Variants in CLCN3 observed in about 807,000 individuals in gnomAD.
CLCN3 encodes the protein Cl-/H+ antiporter 3, also known as H(+)/Cl(-) exchange transporter 3.
A neutral mutation model predicts 83.4 loss-of-function variants in CLCN3; 16 were observed. The observed-to-expected ratio is 0.19, with a 90% CI of 0.13 to 0.29. The LOEUF (loss-of-function observed/expected upper bound fraction) is 0.29. CLCN3 is among the 10% of genes least tolerant of loss of function. The pLI is 1.00. For synonymous variants in CLCN3, 322 were observed against 346.2 expected (o/e 0.93, Z 0.78); for missense variants, 544 against 1,006.0 (o/e 0.54, Z 6.21).
chr4:169,721,100 A>T lies in CLCN3; in HGVS notation c.*1103A>T, dbSNP rs1392430794. On this transcript the variant is annotated 3_prime_UTR_variant, in exon 13 of 13. Transcript: ENST00000513761. ...TTCTTTTCTTTTCTCAAGATATCTCATGGCTGACACTGAAGAAGAAATGTA... is the reference window on the plus strand; with the variant it reads ...TTCTTTTCTTTTCTCAAGATATCTCTTGGCTGACACTGAAGAAGAAATGTA... 1.3e-5 allele frequency: 2 copies of T among 152,236 alleles called. No individual in the cohort carries two copies. Among genetic ancestry groups the T allele is most frequent in the African/African-American group, 4.8e-5 (2 of 41,462 alleles). 9.4% of individuals were successfully genotyped at this position (152,236 alleles called of 1,614,324 possible). A position where few individuals can be genotyped will look rare whatever the true frequency, so the allele number is the denominator to read the frequency against.
chr4:169,623,915 T>C (rs1773167189), intron 1 of CLCN3, among the ~76,000 whole-genome samples: 1 of 152,220 alleles, frequency 6.6e-6, no homozygotes, highest in African/African-American at 2.4e-5. Context: ...CCATTCATCA[T>C]AGATCCTTTT....
At chr4:169,700,566 T>C (rs1293876208) in intron 9 of CLCN3, among the ~76,000 whole-genome samples, 1 of 152,178 alleles carries the variant, frequency 6.6e-6, no homozygotes, top group Non-Finnish European at 1.5e-5. Flanking sequence ...CTGGCCTCTT[T>C]CAGTAGTCTT....
intron 2 of CLCN3, chr4:169,660,040 A>G (rs984466272): frequency 3.0e-6 from 3 of 1,002,278 alleles, no homozygotes; most frequent in South Asian, 4.7e-5. Context: ...CTGTATTGTG[A>G]GTGTTTCAAA....
chr4:169,692,415 G>A (rs1732406426), intron 7 of CLCN3, 95 bp downstream of exon 7: 2 of 535,540 alleles, frequency 3.7e-6, no homozygotes, highest in Non-Finnish European at 5.8e-6. Flanking sequence ...AATAAATTCT[G>A]TATTCAGATA....
intron 3 of CLCN3, among the ~76,000 whole-genome samples, chr4:169,686,074 CA>C (rs377612312): frequency 9.0e-4 from 137 of 151,766 alleles, no homozygotes; most frequent in African/African-American, 3.0e-3. Flanking sequence ...GTCGCAAGGA[CA>C]AAAAACCAAA....
intron 9 of CLCN3, chr4:169,702,803 C>T: frequency 3.5e-6 from 1 of 282,164 alleles, no homozygotes; most frequent in East Asian, 9.2e-5. Context: ...AAAAAGAAAG[C>T]CAGGTGTGGT....
At chr4:169,633,030 T>A (rs1007246535) in intron 1 of CLCN3, among the ~76,000 whole-genome samples, 3 of 150,644 alleles carry the variant, frequency 2.0e-5, no homozygotes, top group Non-Finnish European at 1.5e-5. Context: ...TTACTTTGTT[T>A]GAGACAGAGT....
chr4:169,701,699 G>A (rs1425954224), intron 9 of CLCN3, among the ~76,000 whole-genome samples: 1 of 152,126 alleles, frequency 6.6e-6, no homozygotes, highest in African/African-American at 2.4e-5. Flanking sequence ...AGGAGTGAAA[G>A]TTTATTATTA....
At chr4:169,687,167 A>G (rs1249912358) in intron 3 of CLCN3, among the ~76,000 whole-genome samples, 3 of 152,232 alleles carry the variant, frequency 2.0e-5, no homozygotes, top group Admixed American at 2.0e-4. Context: ...CAGAAGACAT[A>G]TATAAAAGAT....
Position 169,688,908 on chromosome 4 carries a change from C to A in CLCN3, c.419-135C>A. ...CAGTTTATAACTAAAATTTGAAAAT[C>A]TTAAATTTATATGTAGTTCATAAAT... On this transcript the variant is annotated intron_variant, in intron 4 of 12. Transcript: ENST00000513761. 5 of 607,874 alleles carry A rather than the reference C, an allele frequency of 8.2e-6. No individual in the cohort carries two copies. In the South Asian group the frequency reaches 1.1e-4, roughly 13 times the overall value. 37.7% of individuals were successfully genotyped at this position (607,874 alleles called of 1,614,324 possible). A position where few individuals can be genotyped will look rare whatever the true frequency, so the allele number is the denominator to read the frequency against.
At chr4:169,664,431 G>C (rs1731172719) in intron 2 of CLCN3, among the ~76,000 whole-genome samples, 1 of 152,064 alleles carries the variant, frequency 6.6e-6, no homozygotes, top group Non-Finnish European at 1.5e-5. Flanking sequence ...GGTGTTATAT[G>C]ATATTCTTAT....
In CLCN3 at chr4:169,702,853, C is replaced by T. The variant is rs373454968; in HGVS notation, c.1564-1145C>T. 4.7e-5 allele frequency: 12 copies of T among 255,266 alleles called. 1 individual carries two copies. In the Middle Eastern group the frequency reaches 1.9e-3, roughly 41 times the overall value. 15.8% of individuals were successfully genotyped at this position (255,266 alleles called of 1,614,324 possible). A position where few individuals can be genotyped will look rare whatever the true frequency, so the allele number is the denominator to read the frequency against. On this transcript the variant is annotated intron_variant, in intron 9 of 12. Coordinates refer to ENST00000513761, the MANE Select transcript of CLCN3 (RefSeq NM_001829.4). The stretch of plus-strand genomic sequence containing the variant: ...GTCCCAGCTACTCACGAGGCTGAGT[C>T]GGCAGGATCACGCCCAGCCAAGAGA...
rs200126557 is a variant in CLCN3 at position 169,672,653 on chromosome 4, T to TTTTG, written c.161-7377_161-7374dup. On this transcript the variant is annotated intron_variant, in intron 2 of 12. Transcript: ENST00000513761. ...TTTTAGCCTATATAAGTTATATATA[T>TTTTG]TTTGTTTGTTTGTTTGTTTGTTTTG... Among the ~76,000 whole-genome samples the TTTTG allele has an allele frequency of 6.4e-4, 98 of 152,132 alleles. 1 individual carries two copies. In the East Asian group the frequency reaches 0.015, roughly 24 times the overall value.
intron 1 of CLCN3, among the ~76,000 whole-genome samples, chr4:169,630,573 C>A (rs745715927): frequency 6.6e-6 from 1 of 152,018 alleles, no homozygotes; most frequent in African/African-American, 2.4e-5. Flanking sequence ...TTCTGTCGCC[C>A]AGGCTGGAGT....
intron 6 of CLCN3, 103 bp downstream of exon 6, chr4:169,690,755 T>G (rs1732335855): frequency 4.4e-6 from 5 of 1,140,712 alleles, no homozygotes; most frequent in Admixed American, 2.7e-5. Context: ...GGGGATAGTT[T>G]GTTCATAATA....
intron 2 of CLCN3, among the ~76,000 whole-genome samples, chr4:169,639,001 A>G (rs975947159): frequency 1.3e-5 from 2 of 152,124 alleles, no homozygotes; most frequent in Non-Finnish European, 2.9e-5. Flanking sequence ...ATAAAGTTGG[A>G]ATGACTATAG....
chr4:169,625,604 G>A (rs1420720257), intron 1 of CLCN3, among the ~76,000 whole-genome samples: 1 of 152,110 alleles, frequency 6.6e-6, no homozygotes, highest in Non-Finnish European at 1.5e-5. Context: ...TCCTAAAGTT[G>A]GAAAGAACAC....
chr4:169,660,258 A>G (rs1731006650), intron 2 of CLCN3: 1 of 1,257,462 alleles, frequency 8.0e-7, no homozygotes, highest in Non-Finnish European at 1.0e-6. Flanking sequence ...AACCTCATCA[A>G]ATATGGCATC....
At chr4:169,684,583 C>T (rs542968442) in intron 3 of CLCN3, among the ~76,000 whole-genome samples, 2 of 152,176 alleles carry the variant, frequency 1.3e-5, no homozygotes, top group Admixed American at 1.3e-4. Flanking sequence ...TTTCCCGCAG[C>T]AAACCTGGAA....
Sources: allele counts gnomAD v4.1 joint callset (sites outside exome capture counted in the v4.1 genomes callset), GRCh38; gene constraint gnomAD v4.1.1; transcripts MANE v1.5; gene names NCBI Gene and HGNC (gene_info 2026-07-23, HGNC 2026-07-21).